ATP2A2: variants seen among roughly 807,000 people sequenced by gnomAD.
ATP2A2 encodes sarcoplasmic/endoplasmic reticulum calcium ATPase 2.
In ATP2A2, 14 loss-of-function variants were observed where a neutral mutation model predicts 109.3. The ratio of observed to expected loss-of-function variants is 0.13; its 90% CI spans 0.08 to 0.20. The LOEUF (loss-of-function observed/expected upper bound fraction) is 0.20. ATP2A2 is among the 10% of genes least tolerant of loss of function. ATP2A2 has a pLI of 1.00. For synonymous variants in ATP2A2, 506 were observed against 490.9 expected (o/e 1.03, Z -0.41); for missense variants, 657 against 1,321.6 (o/e 0.50, Z 7.80).
chr12:110,292,787 A>G (rs896760707), intron 4 of ATP2A2, among the ~76,000 whole-genome samples: 10 of 152,152 alleles, frequency 6.6e-5, no homozygotes, highest in Admixed American at 3.9e-4. Context: ...ACTGTCTCAG[A>G]AAAACATTGT....
chr12:110,344,938 T>C lies in ATP2A2; in HGVS notation c.2574T>C (p.Ala858=). ...VGAAAWWFIA[A]DGGPRVSFYQ... is the part of the protein sequence containing the mutation. The stretch of plus-strand genomic sequence containing the variant: ...CTGCTGCATGGTGGTTCATTGCTGC[T>C]GACGGTGGTCCAAGAGTGTCCTTCT... The change falls in exon 17 of 20, where the codon GCT becomes GCC. Residue 858 remains alanine, a synonymous_variant. Transcript: ENST00000539276. 6.2e-7 allele frequency: 1 copy of C among 1,614,224 alleles called. No homozygotes were observed. Among genetic ancestry groups the C allele is most frequent in the Non-Finnish European group, 8.5e-7 (1 of 1,180,034 alleles).
chr12:110,302,500 TCCC>T, intron 5 of ATP2A2, among the ~76,000 whole-genome samples: 1 of 152,062 alleles, frequency 6.6e-6, no homozygotes, highest in Non-Finnish European at 1.5e-5. Context: ...CCCCAGCTCT[TCCC>T]CCACAGTATG....
intron 5 of ATP2A2, among the ~76,000 whole-genome samples, chr12:110,302,194 A>G (rs1312339482): frequency 6.6e-6 from 1 of 152,154 alleles, no homozygotes; most frequent in Admixed American, 6.5e-5. Context: ...CATTAAGTAC[A>G]TTCACATTGT....
chr12:110,334,173 T>C, intron 11 of ATP2A2, 30 bp downstream of exon 11: 1 of 1,612,860 alleles, frequency 6.2e-7, no homozygotes, highest in Non-Finnish European at 8.5e-7. Context: ...TTATTGTTCA[T>C]GCTGCTTATC....
At chr12:110,323,677 TC>T (rs1877475755) in intron 6 of ATP2A2, among the ~76,000 whole-genome samples, 1 of 152,016 alleles carries the variant, frequency 6.6e-6, no homozygotes, top group Non-Finnish European at 1.5e-5. Context: ...AGGCCTGTAA[TC>T]CCAGCTACTC....
At position 110,346,839 on chromosome 12, in the gene ATP2A2, G is replaced by A. The variant is rs568171355; in HGVS notation, c.*369G>A. On this transcript the variant is annotated 3_prime_UTR_variant, in exon 20 of 20. Coordinates refer to ENST00000539276, the MANE Select transcript of ATP2A2 (RefSeq NM_170665.4). ...AGATTTTAGGAAATGAATGTGTGTG[G>A]TTTTTTTTCTAAAACTAAATAGCAT... 9.0e-7 allele frequency: 1 copy of A among 1,116,730 alleles called. No individual in the cohort carries two copies. Among genetic ancestry groups the A allele is most frequent in the Admixed American group, 4.9e-5 (1 of 20,562 alleles). The allele number at this position is 1,116,730 out of a possible 1,614,324, so 69.2% of individuals were successfully genotyped here. A position where few individuals can be genotyped will look rare whatever the true frequency, so the allele number is the denominator to read the frequency against.
chr12:110,285,091 C>G (rs1229508408), intron 3 of ATP2A2, among the ~76,000 whole-genome samples: 1 of 152,154 alleles, frequency 6.6e-6, no homozygotes, highest in Non-Finnish European at 1.5e-5. Flanking sequence ...CATGCGTCAT[C>G]AAGTCATGCT....
chr12:110,346,964 CTCAG>C lies in ATP2A2; in HGVS notation c.*500_*503del, dbSNP rs1252251392. ...TCTGCACTGAGCAGAGTCTTGCTAC[CTCAG>C]TCAGTATTGTTTTGGTTTGCTACTT... On this transcript the variant is annotated 3_prime_UTR_variant, in exon 20 of 20. Transcript: ENST00000539276. 9.1e-7 allele frequency: 1 copy of C among 1,096,338 alleles called. No homozygotes were observed. The highest frequency in any genetic ancestry group is 1.7e-5 in the African/African-American group (1 of 59,298). 67.9% of individuals were successfully genotyped at this position (1,096,338 alleles called of 1,614,324 possible). A position where few individuals can be genotyped will look rare whatever the true frequency, so the allele number is the denominator to read the frequency against.
chr12:110,342,441 G>A lies in ATP2A2; in HGVS notation c.2311G>A (p.Val771Ile). The A allele has an allele frequency of 6.2e-7, 1 of 1,613,486 alleles. No homozygotes were observed. Reference protein sequence around the residue: ...RYLISSNVGEVVCIFLTAALG... With the variant: ...RYLISSNVGEIVCIFLTAALG... ...CCTCATCTCGTCCAACGTCGGGGAAGTTGTCTGGTAGGTCTCTGTGACAGC... is the reference window on the plus strand; with the variant it reads ...CCTCATCTCGTCCAACGTCGGGGAAATTGTCTGGTAGGTCTCTGTGACAGC... The change falls in exon 15 of 20, where the codon GTT becomes ATT. Residue 771 changes from valine (V) to isoleucine (I), a missense_variant. Coordinates refer to ENST00000539276, the MANE Select transcript of ATP2A2 (RefSeq NM_170665.4). The surrounding 1 kb of genome is among the most constrained non-coding windows in gnomAD (Gnocchi z 4.6).
chr12:110,307,527 C>T (rs1241722491), intron 5 of ATP2A2, among the ~76,000 whole-genome samples: 2 of 152,116 alleles, frequency 1.3e-5, no homozygotes, highest in Admixed American at 1.3e-4. Flanking sequence ...AGCCACCGTG[C>T]CCAGCAATAA....
At chr12:110,336,996 G>C (rs1368228598) in intron 11 of ATP2A2, among the ~76,000 whole-genome samples, 1 of 152,142 alleles carries the variant, frequency 6.6e-6, no homozygotes, top group Non-Finnish European at 1.5e-5. Context: ...CTAGACCTCT[G>C]ACTACTCCAC....
chr12:110,283,668 A>G (rs1372216736), intron 3 of ATP2A2, among the ~76,000 whole-genome samples: 2 of 152,236 alleles, frequency 1.3e-5, no homozygotes, highest in Non-Finnish European at 2.9e-5. Flanking sequence ...TAATTCTAAT[A>G]GCATGAGATG....
rs1402567956 is a variant in ATP2A2 at position 110,332,634 on chromosome 12, C to T, written c.1133C>T (p.Ser378Phe). Residue 378 changes from serine (S) to phenylalanine (F), a missense_variant, in exon 9 of 20, where the codon TCC becomes TTC. Transcript: ENST00000539276. Reference protein sequence around the residue: ...ILDRVEGDTCSLNEFTITGST... With the variant: ...ILDRVEGDTCFLNEFTITGST... ...GACAGAGTGGAAGGTGATACTTGTT[C>T]CCTTAATGAGTTTACCATAACTGGA... 1.2e-6 allele frequency: 2 copies of T among 1,613,580 alleles called. No individual in the cohort carries two copies. Among genetic ancestry groups the T allele is most frequent in the African/African-American group, 2.7e-5 (2 of 74,908 alleles).
chr12:110,342,308 T>C lies in ATP2A2; in HGVS notation c.2178T>C (p.Ala726=). The C allele has an allele frequency of 1.2e-6, 2 of 1,613,896 alleles. No individual in the cohort carries two copies. Among genetic ancestry groups the C allele is most frequent in the South Asian group, 1.1e-5 (1 of 91,080 alleles). The part of the protein sequence containing the change: ...GIAMGSGTAV[A]KTASEMVLAD... Reference sequence around the variant, plus strand: ...CTATGGGCTCTGGCACTGCGGTGGCTAAAACCGCCTCTGAGATGGTCCTGG... The same window carrying C: ...CTATGGGCTCTGGCACTGCGGTGGCCAAAACCGCCTCTGAGATGGTCCTGG... Residue 726 remains alanine, a synonymous_variant, in exon 15 of 20, where the codon GCT becomes GCC. Transcript: ENST00000539276. The surrounding 1 kb of genome is among the most constrained non-coding windows in gnomAD (Gnocchi z 4.6).
chr12:110,312,761 A>G (rs1488572967), intron 5 of ATP2A2, among the ~76,000 whole-genome samples: 1 of 151,560 alleles, frequency 6.6e-6, no homozygotes, highest in East Asian at 1.9e-4. Flanking sequence ...GAGGCACGAG[A>G]ATCGCCTAAA....
intron 5 of ATP2A2, among the ~76,000 whole-genome samples, chr12:110,316,637 C>T (rs140001822): frequency 6.6e-4 from 101 of 152,208 alleles, no homozygotes; most frequent in African/African-American, 2.4e-3. Context: ...GTGACTCTGC[C>T]TTTATGGAGC....
At chr12:110,306,261 G>A (rs1469855836) in intron 5 of ATP2A2, among the ~76,000 whole-genome samples, 6 of 152,176 alleles carry the variant, frequency 3.9e-5, no homozygotes, top group East Asian at 3.9e-4. Flanking sequence ...GGATGGTCTC[G>A]ATCTCCTGAC....
chr12:110,309,554 C>G (rs1254151008), intron 5 of ATP2A2, among the ~76,000 whole-genome samples: 1 of 152,058 alleles, frequency 6.6e-6, no homozygotes, highest in African/African-American at 2.4e-5. Flanking sequence ...TCTTAAGTAT[C>G]TAGAACACAA....
At chr12:110,338,693 T>C (rs537016669) in intron 11 of ATP2A2, among the ~76,000 whole-genome samples, 15 of 152,294 alleles carry the variant, frequency 9.8e-5, no homozygotes, top group Admixed American at 9.8e-4. Context: ...GGTGATCCAC[T>C]GCACCCGACC....
Sources: gnomAD v4.1 joint callset for allele counts (sites outside exome capture counted in the v4.1 genomes callset) on GRCh38, gnomAD v4.1.1 for gene constraint, Gnocchi (gnomAD v3.1) non-coding constraint, MANE v1.5 for transcripts, NCBI Gene and HGNC (gene_info 2026-07-23, HGNC 2026-07-21) for gene names.